The following CRAMP1 variants were observed in gnomAD, a reference collection of about 807,000 sequenced individuals.
The protein encoded by CRAMP1 is cramped chromatin regulator 1.
Under a neutral mutation model 115.4 loss-of-function variants are expected in CRAMP1, and 50 were observed. The ratio of observed to expected loss-of-function variants is 0.43; its 90% CI spans 0.35 to 0.55. The LOEUF (loss-of-function observed/expected upper bound fraction) is 0.55. Ranked by LOEUF, CRAMP1 falls within the 20% of genes least tolerant of loss-of-function variation. The probability of loss-of-function intolerance (pLI) is 0.01; values close to 1 mark genes in which losing one functional copy is unlikely to be tolerated. For missense variants in CRAMP1, 1,679 were observed against 1,721.7 expected, an observed-to-expected ratio of 0.98 and a Z score of 0.44; for synonymous variants, 866 against 745.4, an observed-to-expected ratio of 1.16 and a Z score of -2.64.
chr16:1,658,125 C>G (rs906660117), intron 10 of CRAMP1, among the ~76,000 whole-genome samples: 8 of 152,170 alleles, frequency 5.3e-5, no homozygotes, highest in African/African-American at 7.2e-5. Flanking sequence ...GGGCTTGCCC[C>G]GGAGAGTTGG....
chr16:1,640,723 G>A lies in CRAMP1; in HGVS notation c.779-416G>A, dbSNP rs143351349. 2.1e-3 allele frequency among the ~76,000 whole-genome samples: 319 copies of A among 152,340 alleles called. 2 individuals are homozygous for A. Among genetic ancestry groups the A allele is most frequent in the Middle Eastern group, 0.01 (3 of 294 alleles). On this transcript the variant is annotated intron_variant, in intron 5 of 20. Coordinates refer to ENST00000397412, the MANE Select transcript of CRAMP1 (RefSeq NM_020825.4). Reference sequence around the variant, plus strand: ...CACTGTGGGCCGGAAGGTCAACACCGGACACTGTCAGTACGAGCCCAGCAG... The same window carrying A: ...CACTGTGGGCCGGAAGGTCAACACCAGACACTGTCAGTACGAGCCCAGCAG...
At position 1,666,273 on chromosome 16, in the gene CRAMP1, A is replaced by T; in HGVS notation, c.2857+96A>T. ...TGAATGTTTTCTTCTCCAAATCATA[A>T]TGTCTCATTACCCTTCACCAAGAAC... On this transcript the variant is annotated intron_variant, in intron 15 of 20. Coordinates refer to ENST00000397412, the MANE Select transcript of CRAMP1 (RefSeq NM_020825.4). This position sits in a 1 kb window ranked among gnomAD's most constrained non-coding sequence, Gnocchi z 5.0. 8.5e-7 allele frequency: 1 copy of T among 1,172,362 alleles called. No homozygotes were observed. 72.6% of individuals were successfully genotyped at this position (1,172,362 alleles called of 1,614,324 possible).
intron 3 of CRAMP1, among the ~76,000 whole-genome samples, chr16:1,630,971 C>T (rs1364568724): frequency 6.6e-6 from 1 of 152,204 alleles, no homozygotes; most frequent in East Asian, 1.9e-4. Flanking sequence ...CCTCAGGCAG[C>T]GTCTGCCAGG....
Position 1,674,378 on chromosome 16 carries a change from C to T in CRAMP1, c.*333C>T, listed in dbSNP as rs2142212804. The T allele has an allele frequency of 3.3e-6, 1 of 305,918 alleles. No homozygotes were observed. The highest frequency in any genetic ancestry group is 6.2e-6 in the Non-Finnish European group (1 of 161,500). The allele number at this position is 305,918 out of a possible 1,614,324, so 19.0% of individuals were successfully genotyped here. On this transcript the variant is annotated 3_prime_UTR_variant, in exon 21 of 21. Coordinates refer to ENST00000397412, the MANE Select transcript of CRAMP1 (RefSeq NM_020825.4). ...GTGTTGGACATTCCGGTGGCATTTC[C>T]TTCTGAGACAAGGGAGTATGTGTGC...
chr16:1,656,163 A>T lies in CRAMP1; in HGVS notation c.1406A>T (p.Glu469Val). The T allele has an allele frequency of 6.2e-7, 1 of 1,605,922 alleles. No individual in the cohort carries two copies. The highest frequency in any genetic ancestry group is 8.5e-7 in the Non-Finnish European group (1 of 1,176,816). Reference protein sequence around the residue: ...GQVKCPRSGAEGKGVGRPPPA... With the variant: ...GQVKCPRSGAVGKGVGRPPPA... ...GTGAAATGCCCGCGGAGCGGAGCTG[A>T]GGGCAAGGGTGTGGGGCGGCCCCCT... The change falls in exon 10 of 21, where the codon GAG becomes GTG. Residue 469 changes from glutamate (E) to valine (V), a missense_variant. Physicochemically the swap from Glu to Val is moderately radical, Grantham distance 121. This residue lies in a region of CRAMP1 where 405 missense variants were observed against 302.6 expected (regional missense o/e 1.34). Coordinates refer to ENST00000397412, the MANE Select transcript of CRAMP1 (RefSeq NM_020825.4). This position sits in a 1 kb window ranked among gnomAD's most constrained non-coding sequence, Gnocchi z 5.6.
chr16:1,652,667 G>A, intron 7 of CRAMP1, 86 bp downstream of exon 7: 1 of 1,226,720 alleles, frequency 8.2e-7, no homozygotes, highest in Non-Finnish European at 1.2e-6. Context: ...CCGGGTTGCT[G>A]CCACAGTTGC....
chr16:1,614,524 C>T lies in CRAMP1; in HGVS notation c.-1-115C>T. 9.3e-6 allele frequency: 5 copies of T among 534,948 alleles called. No homozygotes were observed. Among genetic ancestry groups the T allele is most frequent in the Non-Finnish European group, 1.3e-5 (5 of 384,202 alleles). 33.1% of individuals were successfully genotyped at this position (534,948 alleles called of 1,614,324 possible). ...GCGGGCTCGGGCGGGCCGGGCCGAG[C>T]CGCCGAGAGGGGATTTGGAACAAAC... On this transcript the variant is annotated intron_variant, in intron 1 of 20. Transcript: ENST00000397412. This position sits in a 1 kb window ranked among gnomAD's most constrained non-coding sequence, Gnocchi z 4.4.
At chr16:1,650,558 T>TA (rs1363776787) in intron 6 of CRAMP1, among the ~76,000 whole-genome samples, 1 of 152,242 alleles carries the variant, frequency 6.6e-6, no homozygotes, top group East Asian at 1.9e-4. Context: ...GCTAACCACT[T>TA]ACAGTCATTT....
In CRAMP1 at chr16:1,674,626, G is replaced by C. The variant is rs563773729; in HGVS notation, c.*581G>C. 1 of 154,078 alleles carries C rather than the reference G, an allele frequency of 6.5e-6. No individual in the cohort carries two copies. The highest frequency in any genetic ancestry group is 2.4e-5 in the African/African-American group (1 of 41,454). 9.5% of individuals were successfully genotyped at this position (154,078 alleles called of 1,614,324 possible). A position where few individuals can be genotyped will look rare whatever the true frequency, so the allele number is the denominator to read the frequency against. On this transcript the variant is annotated 3_prime_UTR_variant, in exon 21 of 21. Transcript: ENST00000397412. ...CCGATCACAGGGCTGCTGCGGAGTC[G>C]TGGGGCCCTGGGCTGGTGCCTCCCC...
At chr16:1,637,015 G>A (rs2036593233) in intron 4 of CRAMP1, among the ~76,000 whole-genome samples, 1 of 152,322 alleles carries the variant, frequency 6.6e-6, no homozygotes, top group Non-Finnish European at 1.5e-5. Context: ...GGCCTTGGCT[G>A]GGCACGGTGG....
At chr16:1,622,981 G>A (rs1165856081) in intron 2 of CRAMP1, among the ~76,000 whole-genome samples, 2 of 151,836 alleles carry the variant, frequency 1.3e-5, no homozygotes, top group Admixed American at 6.6e-5. Flanking sequence ...GACTGATCTC[G>A]AATTCCTGAC....
Position 1,656,630 on chromosome 16 carries a change from C to G in CRAMP1, c.1873C>G (p.Leu625Val), listed in dbSNP as rs2036777970. ...PSPRPGPGLL[L>V]DVCTKDLADA... ...CCCGAGGCCCGGCCCCGGGCTCCTG[C>G]TGGATGTTTGCACTAAAGACTTGGC... is the stretch of plus-strand genomic sequence containing the variant. The change falls in exon 10 of 21, where the codon CTG becomes GTG. Residue 625 changes from leucine to valine, a missense_variant. Physicochemically the swap from Leu to Val is conservative, Grantham distance 32. Around this residue, in one of 8 missense-constraint regions of CRAMP1, gnomAD observed 405 missense variants for 302.6 expected, o/e 1.34. Coordinates refer to ENST00000397412, the MANE Select transcript of CRAMP1 (RefSeq NM_020825.4). This position sits in a 1 kb window ranked among gnomAD's most constrained non-coding sequence, Gnocchi z 5.6. 1 of 1,577,870 alleles carries G rather than the reference C, an allele frequency of 6.3e-7. No homozygotes were observed. The highest frequency in any genetic ancestry group is 8.6e-7 in the Non-Finnish European group (1 of 1,162,922).
chr16:1,619,545 GT>G (rs139572336), intron 2 of CRAMP1, among the ~76,000 whole-genome samples: 65 of 152,320 alleles, frequency 4.3e-4, no homozygotes, highest in African/African-American at 1.6e-3. Context: ...ATTTCCAGGA[GT>G]TTGTAGTTTA....
In CRAMP1 at chr16:1,675,270, T is replaced by G. The variant is rs1280570794; in HGVS notation, c.*1225T>G. Reference sequence around the variant, plus strand: ...CAAGGGCCCCTTTGCCTTCTCATCCTCAGGAGTTCCAGGCACATGAGTCAC... The same window carrying G: ...CAAGGGCCCCTTTGCCTTCTCATCCGCAGGAGTTCCAGGCACATGAGTCAC... On this transcript the variant is annotated 3_prime_UTR_variant, in exon 21 of 21. Transcript: ENST00000397412. The G allele has an allele frequency of 6.6e-6, 1 of 152,346 alleles. No individual in the cohort carries two copies. The highest frequency in any genetic ancestry group is 1.5e-5 in the Non-Finnish European group (1 of 68,142). The allele number at this position is 152,346 out of a possible 1,614,324, so 9.4% of individuals were successfully genotyped here.
chr16:1,670,563 C>T (rs2036913705), intron 19 of CRAMP1, 101 bp from the exon 20 acceptor site: 1 of 1,321,872 alleles, frequency 7.6e-7, no homozygotes, highest in Non-Finnish European at 1.1e-6. Context: ...GGGGCCGGGG[C>T]TAGGGCTTGG....
At position 1,659,945 on chromosome 16, in the gene CRAMP1, G is replaced by A. The variant is rs1484563734; in HGVS notation, c.2295G>A (p.Ser765=). The change falls in exon 11 of 21, where the codon TCG becomes TCA. Residue 765 remains serine, a synonymous_variant. Transcript: ENST00000397412. ...ASVRPAQEEQ[S]MTPPGKVVTV... ...TAAGGCCCGCCCAGGAGGAGCAGTCGATGACGCCCCCAGGGAAGGTGGTGA... is the reference window on the plus strand; with the variant it reads ...TAAGGCCCGCCCAGGAGGAGCAGTCAATGACGCCCCCAGGGAAGGTGGTGA... 1.9e-6 allele frequency: 3 copies of A among 1,611,902 alleles called. No individual in the cohort carries two copies. Among genetic ancestry groups the A allele is most frequent in the East Asian group, 2.2e-5 (1 of 44,852 alleles).
rs1279187879 is a variant in CRAMP1, at chr16:1,614,444, G to T, written c.-1-195G>T. On this transcript the variant is annotated intron_variant, in intron 1 of 20. Transcript: ENST00000397412. The surrounding 1 kb of genome is among the most constrained non-coding windows in gnomAD (Gnocchi z 4.4). ...GGAGGCCCGGGAGGGTCCCGGGCTG[G>T]TGGGCAGGGCCGGGGGCGGCGGCGT... 1.4e-5 allele frequency among the ~76,000 whole-genome samples: 2 copies of T among 145,500 alleles called. No individual in the cohort carries two copies. The highest frequency in any genetic ancestry group is 2.0e-4 in the East Asian group (1 of 4,962).
intron 13 of CRAMP1, among the ~76,000 whole-genome samples, chr16:1,664,512 C>T (rs1194415157): frequency 6.6e-6 from 1 of 152,130 alleles, no homozygotes; most frequent in Admixed American, 6.5e-5. Flanking sequence ...GGCACGGTGG[C>T]TCGCACCTGT....
intron 2 of CRAMP1, among the ~76,000 whole-genome samples, chr16:1,622,456 G>A (rs532245443): frequency 6.6e-6 from 1 of 152,224 alleles, no homozygotes; most frequent in African/African-American, 2.4e-5. Flanking sequence ...CTTGCAGTAA[G>A]CCAGGATTGC....
Sources: gnomAD v4.1 joint callset for allele counts (sites outside exome capture counted in the v4.1 genomes callset) on GRCh38, gnomAD v4.1.1 for gene constraint, gnomAD v4.1.1 regional missense constraint, Gnocchi (gnomAD v3.1) non-coding constraint, MANE v1.5 for transcripts, NCBI Gene and HGNC (gene_info 2026-07-23, HGNC 2026-07-21) for gene names.